GNAQ: variants seen among roughly 807,000 people sequenced by gnomAD.
GNAQ encodes the protein G protein subunit alpha q.
A neutral mutation model predicts 43.9 loss-of-function variants in GNAQ; 8 were observed. The ratio of observed to expected loss-of-function variants is 0.18; its 90% CI spans 0.11 to 0.33. The LOEUF (loss-of-function observed/expected upper bound fraction) is 0.33. Ranked by LOEUF, GNAQ falls within the 10% of genes least tolerant of loss-of-function variation. GNAQ has a pLI of 1.00. For missense variants in GNAQ, 158 were observed against 450.8 expected (o/e 0.35, Z 5.88); for synonymous variants, 155 against 170.7 (o/e 0.91, Z 0.71).
At chr9:77,728,932 A>G (rs1178712039) in intron 5 of GNAQ, among the ~76,000 whole-genome samples, 1 of 152,230 alleles carries the variant, frequency 6.6e-6, no homozygotes, top group Non-Finnish European at 1.5e-5. Flanking sequence ...GAAAGAGAAA[A>G]TAATTGAAAG....
chr9:77,758,814 A>T (rs1284624974), intron 5 of GNAQ, among the ~76,000 whole-genome samples: 1 of 152,110 alleles, frequency 6.6e-6, no homozygotes, highest in African/African-American at 2.4e-5. Flanking sequence ...TGTTTTTTCT[A>T]GTCTTTTCCA....
intron 2 of GNAQ, among the ~76,000 whole-genome samples, chr9:77,921,191 A>C (rs1828991192): frequency 6.6e-6 from 1 of 152,246 alleles, no homozygotes; most frequent in African/African-American, 2.4e-5. Flanking sequence ...GACTGCATCC[A>C]TGGGGGATGT....
chr9:78,003,168 A>C (rs1276748339), intron 1 of GNAQ, among the ~76,000 whole-genome samples: 1 of 152,220 alleles, frequency 6.6e-6, no homozygotes, highest in Non-Finnish European at 1.5e-5. Flanking sequence ...ATTACAGGAA[A>C]TCCATCCAAA....
intron 1 of GNAQ, among the ~76,000 whole-genome samples, chr9:77,930,836 A>G (rs1233761503): frequency 3.3e-5 from 5 of 152,074 alleles, no homozygotes; most frequent in Non-Finnish European, 7.4e-5. Flanking sequence ...AACCCCCAGG[A>G]CCACAGCCCA....
chr9:77,780,265 C>T (rs1826373046), intron 5 of GNAQ, among the ~76,000 whole-genome samples: 1 of 151,818 alleles, frequency 6.6e-6, no homozygotes, highest in East Asian at 1.9e-4. Flanking sequence ...ACAAATCTCT[C>T]CCTCCCCATA....
At chr9:77,821,622 T>C (rs565511033) in intron 2 of GNAQ, among the ~76,000 whole-genome samples, 1 of 152,134 alleles carries the variant, frequency 6.6e-6, no homozygotes, top group South Asian at 2.1e-4. Context: ...CAAAGAACAC[T>C]GCCTTCAGGT....
chr9:77,962,848 C>T (rs567694107), intron 1 of GNAQ, among the ~76,000 whole-genome samples: 164 of 144,342 alleles, frequency 1.1e-3, no homozygotes, highest in African/African-American at 4.0e-3. Context: ...GCCAAGATCA[C>T]GCCATTGCAC....
intron 2 of GNAQ, among the ~76,000 whole-genome samples, chr9:77,878,669 A>G (rs926160431): frequency 6.6e-6 from 1 of 152,160 alleles, no homozygotes; most frequent in African/African-American, 2.4e-5. Context: ...GGTAAAAATT[A>G]AGATGTGTTT....
At chr9:77,877,818 T>G (rs1315000548) in intron 2 of GNAQ, among the ~76,000 whole-genome samples, 1 of 152,182 alleles carries the variant, frequency 6.6e-6, no homozygotes, top group Admixed American at 6.5e-5. Context: ...CATTTCTCTG[T>G]TACTGTAATT....
intron 5 of GNAQ, among the ~76,000 whole-genome samples, chr9:77,743,201 T>C (rs1825679484): frequency 6.6e-6 from 1 of 152,156 alleles, no homozygotes; most frequent in African/African-American, 2.4e-5. Context: ...GAGGTTGCAG[T>C]GAGCCAAGAT....
At chr9:77,951,301 T>A (rs11145631) in intron 1 of GNAQ, among the ~76,000 whole-genome samples, 1 of 152,190 alleles carries the variant, frequency 6.6e-6, no homozygotes, top group East Asian at 1.9e-4. Flanking sequence ...TTTCTCCATG[T>A]TGGCCAGGCT....
chr9:77,923,240 T>A (rs144401143), intron 1 of GNAQ, among the ~76,000 whole-genome samples: 1 of 152,308 alleles, frequency 6.6e-6, no homozygotes, highest in African/African-American at 2.4e-5. Context: ...GGGAGGTTGG[T>A]TGACTGAGTT....
chr9:77,825,545 T>C (rs1053273977), intron 2 of GNAQ, among the ~76,000 whole-genome samples: 30 of 152,180 alleles, frequency 2.0e-4, no homozygotes, highest in Admixed American at 1.7e-3. Context: ...CTAGTCACTT[T>C]TGTCCCAGCT....
intron 5 of GNAQ, among the ~76,000 whole-genome samples, chr9:77,786,687 G>A (rs887837290): frequency 4.6e-5 from 7 of 152,218 alleles, no homozygotes; most frequent in African/African-American, 1.7e-4. Flanking sequence ...AATGCCAAGG[G>A]TTGACAAAGA....
intron 1 of GNAQ, among the ~76,000 whole-genome samples, chr9:77,989,973 A>G (rs114467004): frequency 0.012 from 1,756 of 152,282 alleles, 26 homozygotes; most frequent in African/African-American, 0.039. Context: ...AATTTCATAA[A>G]TGAACTGACT....
intron 1 of GNAQ, among the ~76,000 whole-genome samples, chr9:77,997,360 A>G (rs1394704748): frequency 1.3e-5 from 2 of 152,022 alleles, no homozygotes; most frequent in African/African-American, 2.4e-5. Context: ...ACCCACTCTC[A>G]TATCTCCAGA....
intron 2 of GNAQ, among the ~76,000 whole-genome samples, chr9:77,833,902 A>G (rs1275005453): frequency 6.6e-6 from 1 of 152,246 alleles, no homozygotes; most frequent in Non-Finnish European, 1.5e-5. Context: ...TTTTCTTCCA[A>G]CATGTAGGCA....
chr9:77,829,340 C>T (rs1327117038), intron 2 of GNAQ, among the ~76,000 whole-genome samples: 2 of 152,112 alleles, frequency 1.3e-5, no homozygotes, highest in African/African-American at 4.8e-5. Context: ...CCTTATAATT[C>T]AACATTTTTT....
chr9:77,727,707 T>C (rs2118214062), intron 6 of GNAQ, among the ~76,000 whole-genome samples: 1 of 152,260 alleles, frequency 6.6e-6, no homozygotes, highest in South Asian at 2.1e-4. Flanking sequence ...TATACTACAG[T>C]GCACAAAACA....
Sources: gnomAD v4.1 joint callset for allele counts (sites outside exome capture counted in the v4.1 genomes callset) on GRCh38, gnomAD v4.1.1 for gene constraint, MANE v1.5 for transcripts, NCBI Gene and HGNC (gene_info 2026-07-23, HGNC 2026-07-21) for gene names.